KANK4: variants seen among roughly 807,000 people sequenced by gnomAD.
KANK4 encodes KN motif and ankyrin repeat domains 4.
Under a neutral mutation model 80.8 loss-of-function variants are expected in KANK4, and 50 were observed. The observed-to-expected ratio is 0.62, with a 90% CI of 0.49 to 0.78. The LOEUF (loss-of-function observed/expected upper bound fraction) is 0.78. Ranked by LOEUF, KANK4 falls within the 30% of genes least tolerant of loss-of-function variation. The pLI, the probability that KANK4 is intolerant of heterozygous loss-of-function variation, is 0.00. For missense variants in KANK4, 1,196 were observed against 1,240.1 expected (o/e 0.96, Z 0.53); for synonymous variants, 465 against 506.9 (o/e 0.92, Z 1.11).
chr1:62,276,882 T>C (rs753487954), intron 2 of KANK4, among the ~76,000 whole-genome samples: 18 of 152,068 alleles, frequency 1.2e-4, no homozygotes, highest in Admixed American at 7.2e-4. Flanking sequence ...TCCCAAAATA[T>C]AGACAATGGA....
intron 1 of KANK4, among the ~76,000 whole-genome samples, chr1:62,308,042 G>A (rs571927695): frequency 4.6e-5 from 7 of 152,192 alleles, no homozygotes; most frequent in Admixed American, 4.6e-4. Context: ...CACCCTGTAG[G>A]ATGCCCTTTT....
intron 2 of KANK4, 73 bp from the exon 3 acceptor site, chr1:62,275,160 T>C (rs896002223): frequency 8.7e-7 from 1 of 1,150,606 alleles, no homozygotes. Context: ...TGAGGCCTAA[T>C]ATCTCTGATT....
intron 9 of KANK4, among the ~76,000 whole-genome samples, chr1:62,242,331 CA>C (rs1429013030): frequency 7.4e-6 from 1 of 134,336 alleles, no homozygotes; most frequent in Non-Finnish European, 1.5e-5. Context: ...CACTGCACTC[CA>C]GCCTGGGCAA....
intron 9 of KANK4, among the ~76,000 whole-genome samples, chr1:62,238,629 GCT>G (rs1671265781): frequency 2.9e-5 from 4 of 139,098 alleles, no homozygotes; most frequent in Admixed American, 1.5e-4. Flanking sequence ...AGTTTTTAAT[GCT>G]CTTTTTTTTT....
rs1557493573 is a variant in KANK4 at position 62,278,392 on chromosome 1, TC to T, written c.16+3156del. On this transcript the variant is annotated intron_variant, in intron 2 of 9. Transcript: ENST00000371153. ...TCCTTCCTTCCTTTCTTTCTTTCTT[TC>T]TTTCTTTTTTTTTTTTGAGATGGAA... 7.4e-3 allele frequency among the ~76,000 whole-genome samples: 352 copies of T among 47,404 alleles called. 67 individuals carry two copies. The highest frequency in any genetic ancestry group is 0.051 in the African/African-American group (336 of 6,546). The allele number at this position is 47,404 out of a possible 152,430, so 31.1% of individuals were successfully genotyped here.
intron 2 of KANK4, among the ~76,000 whole-genome samples, chr1:62,280,703 C>A (rs1348684301): frequency 6.6e-6 from 1 of 152,198 alleles, no homozygotes; most frequent in Non-Finnish European, 1.5e-5. Flanking sequence ...TGCAGACATT[C>A]ATTATGCTAG....
At chr1:62,251,970 T>G in intron 8 of KANK4, among the ~76,000 whole-genome samples, 2 of 140,194 alleles carry the variant, frequency 1.4e-5, no homozygotes, top group South Asian at 2.3e-4. Context: ...CCAGTCTGGG[T>G]GACAGAGTGA....
intron 1 of KANK4, among the ~76,000 whole-genome samples, chr1:62,301,844 C>A (rs1277823363): frequency 1.3e-5 from 2 of 151,910 alleles, no homozygotes; most frequent in African/African-American, 4.8e-5. Flanking sequence ...ACAGCTGGGA[C>A]AAGGGAGAAA....
chr1:62,302,281 G>A (rs12037499), intron 1 of KANK4, among the ~76,000 whole-genome samples: 75,721 of 151,754 alleles, frequency 0.5, 20,731 homozygotes, highest in East Asian at 0.78. Flanking sequence ...TGCAGGTCTG[G>A]AGGAAGAAGC....
intron 9 of KANK4, among the ~76,000 whole-genome samples, chr1:62,244,188 GTTTAT>G (rs1224770400): frequency 6.7e-6 from 1 of 150,060 alleles, no homozygotes; most frequent in Non-Finnish European, 1.5e-5. Flanking sequence ...ACTCATGAGT[GTTTAT>G]TTTTTATTTT....
intron 1 of KANK4, among the ~76,000 whole-genome samples, chr1:62,283,708 A>C: frequency 6.6e-6 from 1 of 152,152 alleles, no homozygotes; most frequent in East Asian, 1.9e-4. Context: ...AGAAGCTCCT[A>C]CTGCAGAGGA....
intron 9 of KANK4, among the ~76,000 whole-genome samples, chr1:62,242,967 G>T (rs1671379198): frequency 1.3e-5 from 2 of 152,112 alleles, no homozygotes; most frequent in Non-Finnish European, 2.9e-5. Flanking sequence ...GTCACCCTTG[G>T]GAATCTGCAT....
intron 1 of KANK4, among the ~76,000 whole-genome samples, chr1:62,287,223 G>A (rs953673578): frequency 5.3e-5 from 8 of 152,172 alleles, no homozygotes; most frequent in Admixed American, 1.3e-4. Context: ...TGCTGCTCCC[G>A]GACCTGAAAG....
At chr1:62,261,982 G>A (rs2765242) in intron 7 of KANK4, among the ~76,000 whole-genome samples, 139 of 152,292 alleles carry the variant, frequency 9.1e-4, no homozygotes, top group African/African-American at 3.3e-3. Context: ...TTGCTAGGCT[G>A]TGAGCTCCCA....
chr1:62,274,383 C>A lies in KANK4; in HGVS notation c.721G>T (p.Val241Phe). The A allele has an allele frequency of 6.2e-7, 1 of 1,614,156 alleles. No homozygotes were observed. Among genetic ancestry groups the A allele is most frequent in the Non-Finnish European group, 8.5e-7 (1 of 1,180,010 alleles). The change falls in exon 3 of 10, where the codon GTT becomes TTT. Residue 241 changes from valine (V) to phenylalanine (F), a missense_variant. Around this residue, in one of 3 missense-constraint regions of KANK4, gnomAD observed 1,154 missense variants for 1,179.6 expected, o/e 0.98. Transcript: ENST00000371153. The part of the protein sequence containing the change: ...GAEPPEGVVK[V>F]PNHLPLPGPP... ...CCTGGGAGAGGGAGGTGATTTGGAA[C>A]CTTCACCACACCCTCTGGAGGCTCA...
chr1:62,254,166 G>GA (rs1002568992), intron 7 of KANK4, among the ~76,000 whole-genome samples: 5 of 151,336 alleles, frequency 3.3e-5, no homozygotes, highest in African/African-American at 4.9e-5. Flanking sequence ...AAAATGGAGG[G>GA]AAAAAAAACT....
At chr1:62,238,696 C>T (rs541685081) in intron 9 of KANK4, among the ~76,000 whole-genome samples, 22 of 149,432 alleles carry the variant, frequency 1.5e-4, no homozygotes, top group African/African-American at 5.1e-4. Flanking sequence ...GTGGCGCAAT[C>T]GGAGCTCACT....
At chr1:62,317,495 G>C (rs1308102970) in intron 1 of KANK4, among the ~76,000 whole-genome samples, 1 of 152,166 alleles carries the variant, frequency 6.6e-6, no homozygotes, top group East Asian at 1.9e-4. Context: ...TTACAGTTCA[G>C]AAAGGAAGGC....
At chr1:62,304,528 G>A (rs768042671) in intron 1 of KANK4, among the ~76,000 whole-genome samples, 35 of 151,930 alleles carry the variant, frequency 2.3e-4, no homozygotes, top group Admixed American at 1.9e-3. Context: ...GCTCTGCACT[G>A]GGCCTTAACT....
Sources: gnomAD v4.1 joint callset for allele counts (sites outside exome capture counted in the v4.1 genomes callset) on GRCh38, gnomAD v4.1.1 for gene constraint, gnomAD v4.1.1 regional missense constraint, MANE v1.5 for transcripts, NCBI Gene and HGNC (gene_info 2026-07-23, HGNC 2026-07-21) for gene names.